The following CPNE4 variants were observed in gnomAD, a reference collection of about 807,000 sequenced individuals.
CPNE4 encodes copine-4.
A neutral mutation model predicts 67.9 loss-of-function variants in CPNE4; 25 were observed. The observed-to-expected ratio is 0.37, with a 90% confidence interval of 0.27 to 0.51. The LOEUF (loss-of-function observed/expected upper bound fraction) is 0.51, where lower values mean the gene tolerates loss of function less well. Among genes scored for constraint, CPNE4 ranks in the 20% least tolerant of loss-of-function variants. CPNE4 has a pLI of 0.93. For synonymous variants in CPNE4, 242 were observed against 244.9 expected (o/e 0.99, Z 0.11); for missense variants, 464 against 690.8 (o/e 0.67, Z 3.68).
chr3:131,915,310 G>A (rs1188342658), intron 1 of CPNE4, among the ~76,000 whole-genome samples: 1 of 152,196 alleles, frequency 6.6e-6, no homozygotes, highest in Non-Finnish European at 1.5e-5. Context: ...CTAAGGTGTA[G>A]TGTATGTATT....
intron 1 of CPNE4, among the ~76,000 whole-genome samples, chr3:132,029,522 T>C (rs1468781261): frequency 6.6e-6 from 1 of 152,174 alleles, no homozygotes; most frequent in Non-Finnish European, 1.5e-5. Flanking sequence ...TCCGTCCTTC[T>C]AGACTCACCA....
At chr3:131,590,736 A>G (rs1938473961) in intron 7 of CPNE4, among the ~76,000 whole-genome samples, 2 of 152,216 alleles carry the variant, frequency 1.3e-5, no homozygotes, top group Admixed American at 1.3e-4. Context: ...AAAATGTAGT[A>G]AAGTCAAGCA....
chr3:131,897,130 T>C (rs1045800071), intron 2 of CPNE4, among the ~76,000 whole-genome samples: 1 of 152,090 alleles, frequency 6.6e-6, no homozygotes, highest in African/African-American at 2.4e-5. Context: ...ATTAATTTTA[T>C]AGACTAGTGG....
intron 2 of CPNE4, among the ~76,000 whole-genome samples, chr3:131,729,037 G>A (rs574324460): frequency 2.6e-4 from 40 of 152,282 alleles, no homozygotes; most frequent in African/African-American, 9.1e-4. Flanking sequence ...GCAAAGTTGC[G>A]GGAGAGGTGA....
intron 1 of CPNE4, among the ~76,000 whole-genome samples, chr3:131,999,259 A>AAAAAAAAAAAAAAAAAAAAAAAAC (rs2073369780): frequency 6.7e-6 from 1 of 150,146 alleles, no homozygotes; most frequent in South Asian, 2.1e-4. Context: ...AAAAAAAAAA[A>AAAAAAAAAAAAAAAAAAAAAAAAC]AAAAAGATAG....
At chr3:131,986,262 T>C (rs2073038862) in intron 1 of CPNE4, among the ~76,000 whole-genome samples, 1 of 152,192 alleles carries the variant, frequency 6.6e-6, no homozygotes, top group African/African-American at 2.4e-5. Context: ...TGTTTGCCAA[T>C]TTCTGTTGTG....
chr3:131,582,058 CAAAT>C, intron 8 of CPNE4, among the ~76,000 whole-genome samples: 1 of 152,044 alleles, frequency 6.6e-6, no homozygotes, highest in African/African-American at 2.4e-5. Context: ...TTAATATGGT[CAAAT>C]AAAGCAGTAC....
intron 1 of CPNE4, among the ~76,000 whole-genome samples, chr3:131,948,010 CTG>C (rs1375401969): frequency 2.6e-5 from 4 of 152,068 alleles, no homozygotes; most frequent in Non-Finnish European, 5.9e-5. Context: ...GTCTTTCACT[CTG>C]TGAACATGGG....
At chr3:131,914,582 C>G (rs2089111985) in intron 1 of CPNE4, among the ~76,000 whole-genome samples, 1 of 152,174 alleles carries the variant, frequency 6.6e-6, no homozygotes, top group Non-Finnish European at 1.5e-5. Context: ...TTTGGCAGTA[C>G]AAACACTGAC....
intron 4 of CPNE4, among the ~76,000 whole-genome samples, chr3:131,698,608 T>TAAAA (rs556686311): frequency 2.9e-5 from 4 of 137,840 alleles, no homozygotes; most frequent in African/African-American, 8.0e-5. Context: ...TTCCTGTGCT[T>TAAAA]AAAAAAAAAA....
chr3:132,004,658 CATTCCTG>C (rs1280899896), intron 1 of CPNE4, among the ~76,000 whole-genome samples: 1 of 151,960 alleles, frequency 6.6e-6, no homozygotes, highest in African/African-American at 2.4e-5. Context: ...TGAACTAAAA[CATTCCTG>C]ATGGTTTACA....
At chr3:131,864,464 A>G (rs2086844815) in intron 2 of CPNE4, among the ~76,000 whole-genome samples, 1 of 151,806 alleles carries the variant, frequency 6.6e-6, no homozygotes, top group African/African-American at 2.4e-5. Flanking sequence ...TTTTCTTTGA[A>G]GCAATTGTGA....
chr3:131,990,949 C>G (rs767815549), intron 1 of CPNE4, among the ~76,000 whole-genome samples: 1 of 136,150 alleles, frequency 7.3e-6, no homozygotes, highest in African/African-American at 2.5e-5. Flanking sequence ...GGCTTTCCCC[C>G]CTTTGTTCAG....
intron 1 of CPNE4, among the ~76,000 whole-genome samples, chr3:131,959,243 G>T (rs1459192302): frequency 4.6e-5 from 2 of 43,642 alleles, no homozygotes; most frequent in Non-Finnish European, 8.9e-5. Flanking sequence ...CTCGTGATCC[G>T]CCCGCCTCGG....
intron 5 of CPNE4, among the ~76,000 whole-genome samples, chr3:131,693,728 A>C (rs891432798): frequency 6.9e-5 from 10 of 145,402 alleles, no homozygotes; most frequent in African/African-American, 2.8e-4. Flanking sequence ...CTGCTGCCTG[A>C]CCTCCCCTCT....
intron 8 of CPNE4, among the ~76,000 whole-genome samples, chr3:131,583,852 C>T (rs7631742): frequency 0.036 from 5,553 of 152,204 alleles, 304 homozygotes; most frequent in African/African-American, 0.12. Flanking sequence ...GAAGATGAGG[C>T]TCAGAGAAGA....
At chr3:131,653,105 G>T (rs955829458) in intron 7 of CPNE4, among the ~76,000 whole-genome samples, 13 of 139,402 alleles carry the variant, frequency 9.3e-5, no homozygotes, top group South Asian at 2.3e-4. Context: ...GGTCATCCCT[G>T]TTTAAAAATT....
At chr3:131,551,166 C>T (rs2107644216) in intron 13 of CPNE4, among the ~76,000 whole-genome samples, 1 of 152,204 alleles carries the variant, frequency 6.6e-6, no homozygotes, top group East Asian at 1.9e-4. Flanking sequence ...CAAAATAGCT[C>T]TTGGGTATTT....
intron 2 of CPNE4, among the ~76,000 whole-genome samples, chr3:131,728,312 T>C (rs1583094008): frequency 6.6e-6 from 1 of 152,190 alleles, no homozygotes; most frequent in Non-Finnish European, 1.5e-5. Context: ...TACTGGGAGA[T>C]AGAGAGACCG....
Sources: gnomAD v4.1 joint callset for allele counts (sites outside exome capture counted in the v4.1 genomes callset) on GRCh38, gnomAD v4.1.1 for gene constraint, MANE v1.5 for transcripts, NCBI Gene and HGNC (gene_info 2026-07-23, HGNC 2026-07-21) for gene names.